TNIK: variants seen among roughly 807,000 people sequenced by gnomAD.
TNIK encodes TRAF2 and NCK interacting kinase.
A neutral mutation model predicts 191.3 loss-of-function variants in TNIK; 49 were observed. The ratio of observed to expected loss-of-function variants is 0.26; its 90% CI spans 0.20 to 0.32. The LOEUF is 0.32. Among genes scored for constraint, TNIK ranks in the 10% least tolerant of loss-of-function variants. TNIK has a pLI of 1.00. For synonymous variants in TNIK, 594 were observed against 600.9 expected (o/e 0.99, Z 0.17); for missense variants, 1,155 against 1,702.3 (o/e 0.68, Z 5.66).
intron 5 of TNIK, among the ~76,000 whole-genome samples, 160 bp downstream of exon 5, chr3:171,194,365 C>G (rs1179594875): frequency 6.6e-6 from 1 of 152,162 alleles, no homozygotes; most frequent in Non-Finnish European, 1.5e-5. Flanking sequence ...ACCAAACTAC[C>G]ACTACCACCA....
intron 2 of TNIK, among the ~76,000 whole-genome samples, chr3:171,284,225 A>C (rs1020505879): frequency 6.6e-6 from 1 of 152,172 alleles, no homozygotes; most frequent in South Asian, 2.1e-4. Context: ...GAGCAACACA[A>C]TTTCATGAAA....
At chr3:171,153,122 T>C (rs1732688504) in intron 12 of TNIK, among the ~76,000 whole-genome samples, 1 of 152,148 alleles carries the variant, frequency 6.6e-6, no homozygotes, top group African/African-American at 2.4e-5. Flanking sequence ...CAAAAGATGC[T>C]ATTGTCTTCC....
At chr3:171,343,482 C>A (rs1326875999) in intron 2 of TNIK, among the ~76,000 whole-genome samples, 1 of 152,156 alleles carries the variant, frequency 6.6e-6, no homozygotes, top group Non-Finnish European at 1.5e-5. Context: ...GGATCTGGCA[C>A]CAGTAATTAA....
chr3:171,203,316 T>C (rs1739644501), intron 4 of TNIK, among the ~76,000 whole-genome samples: 1 of 152,176 alleles, frequency 6.6e-6, no homozygotes, highest in Non-Finnish European at 1.5e-5. Flanking sequence ...TTGAATGAGT[T>C]TGTTTCTTAG....
chr3:171,190,869 A>G (rs1250199878), intron 5 of TNIK, 82 bp from the exon 6 acceptor site: 2 of 1,012,908 alleles, frequency 2.0e-6, no homozygotes, highest in East Asian at 2.6e-5. Flanking sequence ...TAAGGATCCA[A>G]AAACTTTACA....
At chr3:171,099,140 C>T (rs1309858374) in intron 22 of TNIK, among the ~76,000 whole-genome samples, 1 of 152,084 alleles carries the variant, frequency 6.6e-6, no homozygotes, top group African/African-American at 2.4e-5. Context: ...TACCAGTCTC[C>T]AGTCTGTTCC....
In TNIK at chr3:171,081,251, G is replaced by A. The variant is rs1321205453; in HGVS notation, c.3313+1000C>T. On this transcript the variant is annotated intron_variant, in intron 27 of 32. Transcript: ENST00000436636. ...AAAAAGAGATGAAACTGAGCATTCA[G>A]TGGAAAGGTAAAAGAAAGAGGAAGT... 5.3e-5 allele frequency among the ~76,000 whole-genome samples: 8 copies of A among 152,218 alleles called. No individual in the cohort carries two copies. The South Asian group carries it at 1.0e-3, about 20-fold the overall frequency.
At chr3:171,250,145 G>A (rs1461343915) in intron 2 of TNIK, among the ~76,000 whole-genome samples, 1 of 152,200 alleles carries the variant, frequency 6.6e-6, no homozygotes, top group Non-Finnish European at 1.5e-5. Flanking sequence ...TGTTCAGGAA[G>A]AATTCCCATT....
chr3:171,167,448 A>G (rs904837075), intron 9 of TNIK, among the ~76,000 whole-genome samples, 178 bp from the exon 10 acceptor site: 12 of 152,352 alleles, frequency 7.9e-5, no homozygotes, highest in African/African-American at 2.9e-4. Context: ...GTTCAAAGGC[A>G]TCATCATCAT....
At chr3:171,291,459 A>T (rs1248720171) in intron 2 of TNIK, among the ~76,000 whole-genome samples, 1 of 152,118 alleles carries the variant, frequency 6.6e-6, no homozygotes, top group Non-Finnish European at 1.5e-5. Flanking sequence ...CTTTTTATTT[A>T]AAAATATTTT....
chr3:171,167,770 G>A (rs1367809652), intron 9 of TNIK, among the ~76,000 whole-genome samples: 1 of 152,180 alleles, frequency 6.6e-6, no homozygotes, highest in Non-Finnish European at 1.5e-5. Flanking sequence ...GCAAGCTGGA[G>A]GAAAGTAAAA....
chr3:171,335,772 T>C (rs1279543985), intron 2 of TNIK, among the ~76,000 whole-genome samples: 3 of 152,200 alleles, frequency 2.0e-5, no homozygotes, highest in Non-Finnish European at 4.4e-5. Flanking sequence ...TTATTTCTCC[T>C]GGGTAAATAC....
chr3:171,439,141 G>C (rs1273584432), intron 1 of TNIK, among the ~76,000 whole-genome samples: 4 of 152,014 alleles, frequency 2.6e-5, no homozygotes, highest in African/African-American at 9.7e-5. Context: ...TCAGGAGATC[G>C]AAACCATCCT....
intron 2 of TNIK, among the ~76,000 whole-genome samples, chr3:171,362,654 G>T (rs1440466656): frequency 6.6e-6 from 1 of 152,122 alleles, no homozygotes; most frequent in Non-Finnish European, 1.5e-5. Flanking sequence ...TGAGCTGAAT[G>T]CTTCCACATA....
intron 3 of TNIK, among the ~76,000 whole-genome samples, chr3:171,217,693 T>C (rs1339740729): frequency 6.6e-6 from 1 of 152,202 alleles, no homozygotes; most frequent in African/African-American, 2.4e-5. Context: ...TACTACAGTT[T>C]AGTGGAAGAC....
intron 1 of TNIK, among the ~76,000 whole-genome samples, chr3:171,400,266 A>G (rs779570555): frequency 1.3e-5 from 2 of 152,160 alleles, no homozygotes; most frequent in Non-Finnish European, 2.9e-5. Context: ...TTTTCCTCAT[A>G]GAAAATGCTA....
At position 171,221,268 on chromosome 3, in the gene TNIK, G is replaced by A. The variant is rs548349991; in HGVS notation, c.180+6897C>T. Among the ~76,000 whole-genome samples, 10 of 152,284 alleles carry A rather than the reference G, an allele frequency of 6.6e-5. No individual in the cohort carries two copies. In the South Asian group the frequency reaches 2.1e-3, roughly 32 times the overall value. On this transcript the variant is annotated intron_variant, in intron 3 of 32. Coordinates refer to ENST00000436636, the MANE Select transcript of TNIK (RefSeq NM_015028.4). ...CTACATAAATGGCTCCAAAGTAAAA[G>A]TCCCAAAGAGCTGTCCAGAGGGCCT...
At chr3:171,267,648 C>T (rs1221639572) in intron 2 of TNIK, among the ~76,000 whole-genome samples, 5 of 152,106 alleles carry the variant, frequency 3.3e-5, no homozygotes, top group Admixed American at 1.3e-4. Context: ...AACATCTTAT[C>T]GTAAGGATAA....
At position 171,135,369 on chromosome 3, in the gene TNIK, G is replaced by T. The variant is rs11922115; in HGVS notation, c.1608+2822C>A. Among the ~76,000 whole-genome samples the T allele has an allele frequency of 5.1e-3, 772 of 152,326 alleles. 6 individuals carry two copies. The highest frequency in any genetic ancestry group is 0.017 in the African/African-American group (716 of 41,550). ...GATTTTTATTCCTACTAAGAAGTGGGTGTTAAAAATGATGACTCAAACCAA... is the reference window on the plus strand; with the variant it reads ...GATTTTTATTCCTACTAAGAAGTGGTTGTTAAAAATGATGACTCAAACCAA... On this transcript the variant is annotated intron_variant, in intron 15 of 32. Transcript: ENST00000436636.
Sources: gnomAD v4.1 joint callset for allele counts (sites outside exome capture counted in the v4.1 genomes callset) on GRCh38, gnomAD v4.1.1 for gene constraint, MANE v1.5 for transcripts, NCBI Gene and HGNC (gene_info 2026-07-23, HGNC 2026-07-21) for gene names.